Variants in PLGRKT observed in about 807,000 individuals in gnomAD.
PLGRKT encodes plasminogen receptor (KT).
PLGRKT carries 22 observed loss-of-function variants against 18.5 expected under a neutral mutation model. The ratio of observed to expected loss-of-function variants is 1.19; its 90% CI spans 0.85 to 1.70. The LOEUF (loss-of-function observed/expected upper bound fraction) is 1.70, where lower values mean the gene tolerates loss of function less well. PLGRKT is among the 40% of genes most tolerant of loss of function. The probability of loss-of-function intolerance (pLI) is 0.00; values close to 1 mark genes in which losing one functional copy is unlikely to be tolerated. For missense variants in PLGRKT, 235 were observed against 174.4 expected, an observed-to-expected ratio of 1.35 and a Z score of -1.96; for synonymous variants, 72 against 52.8, an observed-to-expected ratio of 1.36 and a Z score of -1.58.
chr9:5,424,383 CAT>C (rs1473382798), intron 3 of PLGRKT, among the ~76,000 whole-genome samples: 6 of 126,264 alleles, frequency 4.8e-5, no homozygotes, highest in Middle Eastern at 4.0e-3. Flanking sequence ...TAATATATAA[CAT>C]ATTATAAAAC....
chr9:5,401,446 G>C (rs187146354), intron 3 of PLGRKT, among the ~76,000 whole-genome samples: 3 of 151,992 alleles, frequency 2.0e-5, no homozygotes, highest in Admixed American at 1.3e-4. Context: ...TAAAGCAATA[G>C]AGAGAATTTG....
intron 3 of PLGRKT, among the ~76,000 whole-genome samples, chr9:5,391,477 G>A (rs1817948402): frequency 6.6e-6 from 1 of 151,932 alleles, no homozygotes; most frequent in Admixed American, 6.5e-5. Flanking sequence ...TACATGTAAT[G>A]AGCTGTGCTT....
At chr9:5,376,949 T>C (rs1817639958) in intron 3 of PLGRKT, among the ~76,000 whole-genome samples, 1 of 152,188 alleles carries the variant, frequency 6.6e-6, no homozygotes, top group African/African-American at 2.4e-5. Flanking sequence ...AGAATTTTGA[T>C]TCATGTACAC....
At chr9:5,400,721 G>A (rs1231255311) in intron 3 of PLGRKT, among the ~76,000 whole-genome samples, 1 of 151,912 alleles carries the variant, frequency 6.6e-6, no homozygotes, top group Admixed American at 6.6e-5. Context: ...TACAGAGGCT[G>A]GCATATTGTT....
intron 3 of PLGRKT, among the ~76,000 whole-genome samples, chr9:5,371,407 T>A (rs10975078): frequency 6.6e-6 from 1 of 152,160 alleles, no homozygotes. Flanking sequence ...AATTGAATCA[T>A]GGGGGCCAGT....
intron 3 of PLGRKT, among the ~76,000 whole-genome samples, chr9:5,422,137 A>T (rs1818587543): frequency 6.6e-6 from 1 of 152,206 alleles, no homozygotes; most frequent in Non-Finnish European, 1.5e-5. Context: ...TTAAACTGCC[A>T]TTTTATTCAA....
chr9:5,430,113 A>T (rs1818791461), intron 3 of PLGRKT, among the ~76,000 whole-genome samples: 1 of 152,212 alleles, frequency 6.6e-6, no homozygotes, highest in East Asian at 1.9e-4. Flanking sequence ...TTTGGAGGAC[A>T]TGGGGAATTA....
intron 2 of PLGRKT, among the ~76,000 whole-genome samples, chr9:5,436,122 C>CT (rs1212669694): frequency 1.3e-5 from 2 of 152,240 alleles, no homozygotes; most frequent in East Asian, 3.8e-4. Flanking sequence ...AGGCCACTCA[C>CT]TGACAGCAGG....
Position 5,418,029 on chromosome 9 carries a change from C to T in PLGRKT, c.81+13868G>A, listed in dbSNP as rs558970925. Among the ~76,000 whole-genome samples, 20 of 152,254 alleles carry T rather than the reference C, an allele frequency of 1.3e-4. No individual in the cohort carries two copies. Among genetic ancestry groups the T allele is most frequent in the South Asian group, 4.2e-4 (2 of 4,818 alleles). On this transcript the variant is annotated intron_variant, in intron 3 of 5. Transcript: ENST00000223864. This position sits in a 1 kb window ranked among gnomAD's most constrained non-coding sequence, Gnocchi z 4.2. The stretch of plus-strand genomic sequence containing the variant: ...CGGATTTCGAGAAGATCACATTGTA[C>T]GCACTTGTGGAGTTTAACGTCTAAG...
At chr9:5,362,123 A>T (rs759961244) in intron 3 of PLGRKT, among the ~76,000 whole-genome samples, 10 of 152,188 alleles carry the variant, frequency 6.6e-5, no homozygotes, top group Non-Finnish European at 1.0e-4. Context: ...CCATTTTTAC[A>T]CCCTGAGGTC....
intron 3 of PLGRKT, among the ~76,000 whole-genome samples, chr9:5,382,522 A>T (rs546312746): frequency 6.6e-6 from 1 of 152,324 alleles, no homozygotes; most frequent in East Asian, 1.9e-4. Flanking sequence ...AATTTGAGGA[A>T]ATGAAATAAA....
At chr9:5,393,602 A>AT (rs763635272) in intron 3 of PLGRKT, among the ~76,000 whole-genome samples, 3 of 151,278 alleles carry the variant, frequency 2.0e-5, no homozygotes. Flanking sequence ...TAACAATCTT[A>AT]TTTTTTTTCT....
rs550997872 is a variant in PLGRKT, at chr9:5,436,634, G to A, written c.-72C>T. 8 of 152,342 alleles carry A rather than the reference G, an allele frequency of 5.3e-5. No individual in the cohort carries two copies. In the South Asian group the frequency reaches 1.7e-3, roughly 32 times the overall value. 9.4% of individuals were successfully genotyped at this position (152,342 alleles called of 1,614,324 possible). ...CTGAATGTGTTAGAGGACGCTCCCA[G>A]GTGGAAGGGTTAAAGGTGGAAGCCA... On this transcript the variant is annotated 5_prime_UTR_variant, in exon 2 of 6. Coordinates refer to ENST00000223864, the MANE Select transcript of PLGRKT (RefSeq NM_018465.4).
intron 3 of PLGRKT, among the ~76,000 whole-genome samples, chr9:5,363,773 G>C (rs938066058): frequency 2.0e-5 from 3 of 152,106 alleles, no homozygotes; most frequent in African/African-American, 7.2e-5. Flanking sequence ...AGGGGAGGAG[G>C]AAAGCTGAAT....
At chr9:5,420,141 G>T (rs1818546775) in intron 3 of PLGRKT, among the ~76,000 whole-genome samples, 1 of 152,204 alleles carries the variant, frequency 6.6e-6, no homozygotes, top group Non-Finnish European at 1.5e-5. Context: ...CATATTCTAT[G>T]ATTTCATTTA....
intron 3 of PLGRKT, 130 bp from the exon 4 acceptor site, chr9:5,362,018 C>A (rs1449075125): frequency 2.3e-6 from 2 of 871,328 alleles, no homozygotes; most frequent in Admixed American, 5.5e-5. Context: ...AAAATCTCAA[C>A]AGACTTTGAC....
chr9:5,409,508 G>C (rs149254161), intron 3 of PLGRKT, among the ~76,000 whole-genome samples: 3 of 152,122 alleles, frequency 2.0e-5, no homozygotes, highest in Non-Finnish European at 2.9e-5. Flanking sequence ...TCTTGTGATC[G>C]TGTGAGTTAA....
intron 3 of PLGRKT, among the ~76,000 whole-genome samples, chr9:5,408,343 G>C (rs543187929): frequency 1.3e-5 from 2 of 152,174 alleles, no homozygotes; most frequent in African/African-American, 4.8e-5. Flanking sequence ...TATGGGAAGC[G>C]GAGCAGTCAC....
intron 3 of PLGRKT, among the ~76,000 whole-genome samples, chr9:5,399,301 G>A (rs1818111553): frequency 6.6e-6 from 1 of 151,872 alleles, no homozygotes; most frequent in African/African-American, 2.4e-5. Flanking sequence ...AGGGTACACA[G>A]AAGCAATTTT....
Sources: gnomAD v4.1 joint callset for allele counts (sites outside exome capture counted in the v4.1 genomes callset) on GRCh38, gnomAD v4.1.1 for gene constraint, Gnocchi (gnomAD v3.1) non-coding constraint, MANE v1.5 for transcripts, NCBI Gene and HGNC (gene_info 2026-07-23, HGNC 2026-07-21) for gene names.